FGF9: variants seen among roughly 807,000 people sequenced by gnomAD.
The protein encoded by FGF9 is fibroblast growth factor 9, also known as fibroblast growth factor 9 (glia-activating factor).
A neutral mutation model predicts 19.9 loss-of-function variants in FGF9; 3 were observed. That is an observed-to-expected ratio of 0.15 (90% confidence interval 0.07 to 0.39). The LOEUF (loss-of-function observed/expected upper bound fraction) is 0.39, where lower values mean the gene tolerates loss of function less well. Among genes scored for constraint, FGF9 ranks in the 10% least tolerant of loss-of-function variants. FGF9 has a pLI of 1.00. For missense variants in FGF9, 175 were observed against 256.8 expected (o/e 0.68, Z 2.18); for synonymous variants, 107 against 106.9 (o/e 1.00, Z -0.01).
intron 2 of FGF9, among the ~76,000 whole-genome samples, chr13:21,686,765 A>G (rs1256392857): frequency 1.3e-5 from 2 of 152,250 alleles, no homozygotes; most frequent in Non-Finnish European, 2.9e-5. Flanking sequence ...TCACTCCGTC[A>G]TGAACACGCA....
intron 2 of FGF9, among the ~76,000 whole-genome samples, chr13:21,682,917 CTTAAT>C (rs1365117855): frequency 1.3e-5 from 2 of 151,922 alleles, no homozygotes; most frequent in Non-Finnish European, 2.9e-5. Flanking sequence ...AATAAATATA[CTTAAT>C]TTGAGTATGC....
Position 21,703,329 on chromosome 13 carries a change from G to A in FGF9, c.*1894G>A, listed in dbSNP as rs1168317496. 6.6e-6 allele frequency: 1 copy of A among 152,192 alleles called. No homozygotes were observed. Among genetic ancestry groups the A allele is most frequent in the African/African-American group, 2.4e-5 (1 of 41,454 alleles). The allele number at this position is 152,192 out of a possible 1,614,324, so 9.4% of individuals were successfully genotyped here. The stretch of plus-strand genomic sequence containing the variant: ...CTAGAAGCGCATGACTTATTGTGAC[G>A]ATGTCTTGCCTTTCTGTGGTCCAAG... On this transcript the variant is annotated 3_prime_UTR_variant, in exon 3 of 3. Coordinates refer to ENST00000382353, the MANE Select transcript of FGF9 (RefSeq NM_002010.3).
chr13:21,677,371 A>G (rs1871942668), intron 1 of FGF9, among the ~76,000 whole-genome samples: 1 of 151,418 alleles, frequency 6.6e-6, no homozygotes, highest in South Asian at 2.1e-4. Flanking sequence ...CTCCTTGATC[A>G]TTAAACATTC....
chr13:21,697,259 C>T (rs1302846019), intron 2 of FGF9, among the ~76,000 whole-genome samples: 4 of 152,178 alleles, frequency 2.6e-5, no homozygotes, highest in Non-Finnish European at 5.9e-5. Context: ...AGTGACCTTC[C>T]TGCCTCAGCC....
intron 2 of FGF9, among the ~76,000 whole-genome samples, chr13:21,694,779 C>T (rs1393603468): frequency 2.0e-5 from 3 of 152,184 alleles, no homozygotes; most frequent in East Asian, 1.9e-4. Flanking sequence ...ATTGACTAAA[C>T]ATTAACACAA....
At chr13:21,683,655 A>G (rs9316506) in intron 2 of FGF9, among the ~76,000 whole-genome samples, 53,188 of 152,108 alleles carry the variant, frequency 0.35, 9,427 homozygotes, top group East Asian at 0.42. Context: ...GTGCTTGAGA[A>G]GCACACATCT....
intron 1 of FGF9, among the ~76,000 whole-genome samples, chr13:21,674,707 A>AT (rs528643891): frequency 0.044 from 6,229 of 142,062 alleles, 161 homozygotes; most frequent in African/African-American, 0.065. Context: ...CTCCATGAGC[A>AT]TTTTTTTTTT....
rs1198639159 is a variant in FGF9, at chr13:21,672,979, A to G, written c.277+790A>G. Among the ~76,000 whole-genome samples, 1 of 152,180 alleles carries G rather than the reference A, an allele frequency of 6.6e-6. No individual in the cohort carries two copies. Among genetic ancestry groups the G allele is most frequent in the Non-Finnish European group, 1.5e-5 (1 of 68,012 alleles). ...TTTTAAAGGGCATTCCGAGGATTTC[A>G]TTTTTCAGCGGAGGGTATTTGTGAC... On this transcript the variant is annotated intron_variant, in intron 1 of 2. Coordinates refer to ENST00000382353, the MANE Select transcript of FGF9 (RefSeq NM_002010.3). The surrounding 1 kb of genome is among the most constrained non-coding windows in gnomAD (Gnocchi z 4.2).
At chr13:21,674,222 C>T (rs1265675107) in intron 1 of FGF9, 1 of 152,650 alleles carries the variant, frequency 6.6e-6, no homozygotes, top group African/African-American at 2.4e-5. Flanking sequence ...GGTCGGACCC[C>T]TGAGCTCCCC....
chr13:21,678,047 T>C (rs1036735271), intron 1 of FGF9, among the ~76,000 whole-genome samples: 1 of 152,164 alleles, frequency 6.6e-6, no homozygotes, highest in African/African-American at 2.4e-5. Flanking sequence ...CAACAGATGG[T>C]GAGCAAAAAT....
chr13:21,694,754 A>G (rs893819436), intron 2 of FGF9, among the ~76,000 whole-genome samples: 1 of 152,060 alleles, frequency 6.6e-6, no homozygotes, highest in Admixed American at 6.5e-5. Flanking sequence ...TTGTTTATGG[A>G]ATGATTAAAT....
intron 2 of FGF9, among the ~76,000 whole-genome samples, chr13:21,683,669 C>T (rs527467283): frequency 6.6e-6 from 1 of 152,302 alleles, no homozygotes; most frequent in East Asian, 1.9e-4. Context: ...CACATCTTCT[C>T]TCGTGAAGAG....
Position 21,672,207 on chromosome 13 carries a change from C to G in FGF9, c.277+18C>G. Reference sequence around the variant, plus strand: ...CCGATTTGGTAGGTATACCATTAACCCTTTAGTGTCCATGAGATGACATGT... The same window carrying G: ...CCGATTTGGTAGGTATACCATTAACGCTTTAGTGTCCATGAGATGACATGT... On this transcript the variant is annotated intron_variant, in intron 1 of 2. Transcript: ENST00000382353. The surrounding 1 kb of genome is among the most constrained non-coding windows in gnomAD (Gnocchi z 4.2). The G allele has an allele frequency of 1.2e-6, 2 of 1,613,780 alleles. No homozygotes were observed. The highest frequency in any genetic ancestry group is 2.2e-5 in the East Asian group (1 of 44,880).
chr13:21,674,331 G>C (rs1274318770), intron 1 of FGF9: 1 of 150,950 alleles, frequency 6.6e-6, no homozygotes, highest in Non-Finnish European at 1.5e-5. Flanking sequence ...CCCCTGGCCG[G>C]AGCCGCAGGG....
At chr13:21,690,708 T>C (rs17070413) in intron 2 of FGF9, among the ~76,000 whole-genome samples, 1 of 152,234 alleles carries the variant, frequency 6.6e-6, no homozygotes, top group African/African-American at 2.4e-5. Context: ...GTAGCATCCA[T>C]GCACACGCTC....
Position 21,671,114 on chromosome 13 carries a change from C to G in FGF9, c.-799C>G, listed in dbSNP as rs559627485. ...GCGGGGGCTGCGCAGGAGGAGCGCT[C>G]CGCCCGGCTACAACGCTCCGCGAGC... On this transcript the variant is annotated 5_prime_UTR_variant, in exon 1 of 3. Coordinates refer to ENST00000382353, the MANE Select transcript of FGF9 (RefSeq NM_002010.3). Among the ~76,000 whole-genome samples, 4 of 152,212 alleles carry G rather than the reference C, an allele frequency of 2.6e-5. No individual in the cohort carries two copies. Among genetic ancestry groups the G allele is most frequent in the Non-Finnish European group, 5.9e-5 (4 of 67,956 alleles).
intron 1 of FGF9, among the ~76,000 whole-genome samples, chr13:21,675,197 G>T (rs1871882752): frequency 6.6e-6 from 1 of 152,108 alleles, no homozygotes; most frequent in South Asian, 2.1e-4. Context: ...CACTCTGGCT[G>T]GGATGGAGTT....
chr13:21,678,443 T>C (rs566271976), intron 1 of FGF9, among the ~76,000 whole-genome samples: 1 of 152,318 alleles, frequency 6.6e-6, no homozygotes, highest in East Asian at 1.9e-4. Flanking sequence ...ATTAGAATAT[T>C]GTAATGCCTA....
chr13:21,680,000 T>C (rs939328483), intron 1 of FGF9, among the ~76,000 whole-genome samples: 2 of 151,372 alleles, frequency 1.3e-5, no homozygotes, highest in Non-Finnish European at 2.9e-5. Context: ...CTAAATATAC[T>C]GTGGGCTAAT....
Sources: gnomAD v4.1 joint callset for allele counts (sites outside exome capture counted in the v4.1 genomes callset) on GRCh38, gnomAD v4.1.1 for gene constraint, Gnocchi (gnomAD v3.1) non-coding constraint, MANE v1.5 for transcripts, NCBI Gene and HGNC (gene_info 2026-07-23, HGNC 2026-07-21) for gene names.